Variants in GLIS3 observed in about 807,000 individuals in gnomAD.
GLIS3 encodes GLIS family zinc finger 3.
GLIS3 carries 53 observed loss-of-function variants against 78.6 expected under a neutral mutation model. The observed-to-expected ratio is 0.67, with a 90% CI of 0.54 to 0.85. GLIS3 has a LOEUF of 0.85. Ranked by LOEUF, GLIS3 falls within the 40% of genes least tolerant of loss-of-function variation. The probability of loss-of-function intolerance (pLI) is 0.00; values close to 1 mark genes in which losing one functional copy is unlikely to be tolerated. For synonymous variants in GLIS3, 684 were observed against 509.9 expected (o/e 1.34, Z -4.60); for missense variants, 1,703 against 1,231.1 (o/e 1.38, Z -5.74).
At chr9:4,484,269 G>A in the GLIS3 span, among the ~76,000 whole-genome samples, 112 of 142,406 alleles carry the variant, frequency 7.9e-4, 1 homozygote, top group Non-Finnish European at 9.9e-4. Context: ...ACGGAGTCTC[G>A]CTCTGTCGCC....
intron 2 of GLIS3, among the ~76,000 whole-genome samples, chr9:4,168,132 C>G (rs1816034497): frequency 6.6e-6 from 1 of 152,122 alleles, no homozygotes; most frequent in Non-Finnish European, 1.5e-5. Flanking sequence ...GCAAGCAAAT[C>G]AGACCAGTTG....
upstream of GLIS3, among the ~76,000 whole-genome samples, chr9:4,300,122 G>A (rs1471997805): frequency 6.6e-6 from 1 of 151,916 alleles, no homozygotes; most frequent in African/African-American, 2.4e-5. Flanking sequence ...GAGCGCCGGA[G>A]GGGGAGGGGG....
intron 4 of GLIS3, among the ~76,000 whole-genome samples, chr9:4,062,599 C>T (rs1260158044): frequency 6.6e-6 from 1 of 152,090 alleles, no homozygotes; most frequent in Non-Finnish European, 1.5e-5. Flanking sequence ...TTCTGCCTAC[C>T]CCATAATTGC....
At chr9:4,278,788 A>G (rs1040502274) in intron 2 of GLIS3, among the ~76,000 whole-genome samples, 3 of 152,280 alleles carry the variant, frequency 2.0e-5, no homozygotes, top group Non-Finnish European at 2.9e-5. Context: ...GTCCTTCACA[A>G]TGCAGAGATC....
intron 2 of GLIS3, among the ~76,000 whole-genome samples, chr9:4,313,089 C>T (rs1362683515): frequency 2.0e-5 from 3 of 152,178 alleles, no homozygotes; most frequent in Non-Finnish European, 1.5e-5. Context: ...AAAAAAGCCT[C>T]AAACTGAATT....
intron 4 of GLIS3, among the ~76,000 whole-genome samples, chr9:4,051,791 T>G (rs1458815727): frequency 2.0e-5 from 3 of 152,204 alleles, no homozygotes; most frequent in African/African-American, 7.2e-5. Context: ...CAAACTCCAC[T>G]AACAAATAGG....
chr9:3,898,868 G>C (rs1334675710), intron 6 of GLIS3, 33 bp from the exon 7 acceptor site: 2 of 1,612,948 alleles, frequency 1.2e-6, no homozygotes, highest in Non-Finnish European at 1.7e-6. Context: ...ACATCGATAA[G>C]GAGAGCCGGT....
At chr9:4,051,193 C>T (rs1825724138) in intron 4 of GLIS3, among the ~76,000 whole-genome samples, 1 of 152,194 alleles carries the variant, frequency 6.6e-6, no homozygotes, top group Non-Finnish European at 1.5e-5. Flanking sequence ...CCTCTCTTCT[C>T]TCACGTGTGT....
intron 8 of GLIS3, among the ~76,000 whole-genome samples, chr9:3,873,123 C>A (rs1821072984): frequency 6.6e-6 from 1 of 152,148 alleles, no homozygotes; most frequent in African/African-American, 2.4e-5. Flanking sequence ...AAGCCCAGGA[C>A]CAGATAGATT....
chr9:3,939,853 A>C (rs959673596), intron 4 of GLIS3, among the ~76,000 whole-genome samples: 3 of 152,226 alleles, frequency 2.0e-5, no homozygotes, highest in Non-Finnish European at 4.4e-5. Flanking sequence ...TGCAGGAACC[A>C]TGGAACCCAA....
the GLIS3 span, among the ~76,000 whole-genome samples, chr9:4,434,818 T>C: frequency 1.3e-5 from 2 of 152,220 alleles, no homozygotes; most frequent in African/African-American, 4.8e-5. Flanking sequence ...TTCATTCTAA[T>C]GCCCATTTTA....
intron 2 of GLIS3, among the ~76,000 whole-genome samples, chr9:4,317,659 T>A (rs187185266): frequency 3.7e-4 from 57 of 152,332 alleles, no homozygotes; most frequent in African/African-American, 1.3e-3. Flanking sequence ...TTTTTAAAAA[T>A]CAGCAGGTTG....
intron 2 of GLIS3, among the ~76,000 whole-genome samples, chr9:4,250,400 C>T (rs1024163707): frequency 1.3e-5 from 2 of 152,136 alleles, no homozygotes; most frequent in African/African-American, 2.4e-5. Flanking sequence ...ACTTTATTTG[C>T]AGAGAGGTGT....
At chr9:3,996,216 A>G (rs1235527861) in intron 4 of GLIS3, among the ~76,000 whole-genome samples, 1 of 152,124 alleles carries the variant, frequency 6.6e-6, no homozygotes, top group African/African-American at 2.4e-5. Flanking sequence ...AAAAATAAAA[A>G]CTGACAGATC....
At chr9:3,928,115 C>T (rs624290) in intron 6 of GLIS3, among the ~76,000 whole-genome samples, 126,234 of 152,158 alleles carry the variant, frequency 0.83, 53,108 homozygotes, top group Middle Eastern at 0.9. Context: ...AAATCAGTGC[C>T]GTTTCAATGT....
At chr9:4,260,638 C>T (rs1429295964) in intron 2 of GLIS3, among the ~76,000 whole-genome samples, 1 of 151,658 alleles carries the variant, frequency 6.6e-6, no homozygotes, top group Non-Finnish European at 1.5e-5. Flanking sequence ...CCCAGCTACT[C>T]AGGAGGCTGA....
intron 2 of GLIS3, among the ~76,000 whole-genome samples, chr9:4,317,612 T>C (rs189130222): frequency 9.8e-5 from 15 of 152,384 alleles, no homozygotes; most frequent in African/African-American, 3.4e-4. Context: ...TTTTATATGA[T>C]ACCTATTTTC....
the GLIS3 span, among the ~76,000 whole-genome samples, chr9:4,402,106 T>G: frequency 6.6e-6 from 1 of 152,312 alleles, no homozygotes; most frequent in East Asian, 1.9e-4. Context: ...CCCAGTACTA[T>G]GTTGGCTTCA....
intron 4 of GLIS3, among the ~76,000 whole-genome samples, chr9:3,991,975 C>G (rs953773220): frequency 1.3e-5 from 2 of 152,114 alleles, no homozygotes; most frequent in Admixed American, 1.3e-4. Flanking sequence ...CAGGCATGAG[C>G]CACCCTGCCC....
Sources: gnomAD v4.1 joint callset for allele counts (sites outside exome capture counted in the v4.1 genomes callset) on GRCh38, gnomAD v4.1.1 for gene constraint, MANE v1.5 for transcripts, NCBI Gene and HGNC (gene_info 2026-07-23, HGNC 2026-07-21) for gene names.